The following WRN variants were observed in gnomAD, a reference collection of about 807,000 sequenced individuals.
WRN encodes bifunctional 3'-5' exonuclease/ATP-dependent helicase WRN.
Under a neutral mutation model 180.7 loss-of-function variants are expected in WRN, and 149 were observed. That is an observed-to-expected ratio of 0.82 (90% CI 0.72 to 0.94). WRN has a LOEUF of 0.94. Ranked by LOEUF, WRN falls within the 40% of genes least tolerant of loss-of-function variation. WRN has a pLI of 0.00. For synonymous variants in WRN, 548 were observed against 568.9 expected, an observed-to-expected ratio of 0.96 and a Z score of 0.52; for missense variants, 1,661 against 1,700.1, an observed-to-expected ratio of 0.98 and a Z score of 0.40.
At chr8:31,117,688 A>G (rs1203111970) in intron 20 of WRN, among the ~76,000 whole-genome samples, 2 of 152,078 alleles carry the variant, frequency 1.3e-5, no homozygotes, top group Non-Finnish European at 2.9e-5. Context: ...TTTCTTCTCT[A>G]TCCATCTCCT....
Position 31,116,505 on chromosome 8 carries a change from A to G in WRN, c.2425A>G (p.Arg809Gly), listed in dbSNP as rs2130306139. The change falls in exon 20 of 35, where the codon AGG (arginine) becomes GGG (glycine). Residue 809 changes from arginine (R) to glycine (G), a missense_variant. Coordinates refer to ENST00000298139, the MANE Select transcript of WRN (RefSeq NM_000553.6). Reference protein sequence around the residue: ...SFSTRKDIHHRFVRDEIQCVI... With the variant: ...SFSTRKDIHHGFVRDEIQCVI... ...TAGCACAAGGAAAGACATTCATCAT[A>G]GGTTTGTAAGAGATGAAATTCAGGT... 6.2e-7 allele frequency: 1 copy of G among 1,613,978 alleles called. No individual in the cohort carries two copies.
intron 23 of WRN, among the ~76,000 whole-genome samples, chr8:31,127,711 A>G (rs1035326240): frequency 2.6e-5 from 4 of 152,154 alleles, no homozygotes; most frequent in Non-Finnish European, 5.9e-5. Context: ...CAGGATTTTT[A>G]AGACCAGTCT....
At chr8:31,120,044 G>A (rs961357068) in intron 20 of WRN, 199 bp from the exon 21 acceptor site, 55 of 610,144 alleles carry the variant, frequency 9.0e-5, no homozygotes, top group Non-Finnish European at 1.5e-4. Context: ...AGAGTGAACA[G>A]AAATCCCATT....
intron 7 of WRN, among the ~76,000 whole-genome samples, chr8:31,071,030 C>T (rs1234669915): frequency 2.3e-5 from 3 of 130,028 alleles, no homozygotes; most frequent in East Asian, 4.3e-4. Context: ...TGCACAAGAG[C>T]GAGACTCTGT....
intron 1 of WRN, among the ~76,000 whole-genome samples, chr8:31,057,796 A>G (rs899953514): frequency 6.6e-5 from 10 of 151,150 alleles, no homozygotes; most frequent in South Asian, 2.1e-4. Flanking sequence ...TATTCACTGT[A>G]TTTTCTTTAA....
chr8:31,037,878 G>A (rs967985364), intron 1 of WRN, among the ~76,000 whole-genome samples: 17 of 152,116 alleles, frequency 1.1e-4, no homozygotes, highest in Non-Finnish European at 5.9e-5. Flanking sequence ...CTTTTGTGAG[G>A]ATAATGTTTT....
At chr8:31,139,035 G>T (rs1397454373) in intron 24 of WRN, among the ~76,000 whole-genome samples, 2 of 152,012 alleles carry the variant, frequency 1.3e-5, no homozygotes, top group African/African-American at 4.8e-5. Context: ...CATATACTGG[G>T]GAAGATTCTC....
At chr8:31,115,821 T>C (rs1473051942) in intron 19 of WRN, among the ~76,000 whole-genome samples, 2 of 152,246 alleles carry the variant, frequency 1.3e-5, no homozygotes, top group Admixed American at 6.5e-5. Flanking sequence ...AGATGTTTTC[T>C]ATAACATTCA....
At chr8:31,115,857 C>G (rs146640287) in intron 19 of WRN, among the ~76,000 whole-genome samples, 3 of 144,774 alleles carry the variant, frequency 2.1e-5, no homozygotes, top group Non-Finnish European at 4.7e-5. Context: ...GTAAATACTT[C>G]TTTGAACTGT....
At chr8:31,136,883 G>A (rs1020890465) in intron 24 of WRN, among the ~76,000 whole-genome samples, 5 of 151,262 alleles carry the variant, frequency 3.3e-5, no homozygotes, top group East Asian at 1.9e-4. Context: ...GCCCAAATCC[G>A]TAAGCTATGT....
At chr8:31,041,092 C>G (rs1357612557) in intron 1 of WRN, among the ~76,000 whole-genome samples, 2 of 152,126 alleles carry the variant, frequency 1.3e-5, no homozygotes, top group African/African-American at 4.8e-5. Context: ...AATGGGAGAT[C>G]TTTATATCTC....
chr8:31,169,052 G>A, intron 34 of WRN, among the ~76,000 whole-genome samples: 1 of 151,920 alleles, frequency 6.6e-6, no homozygotes, highest in Non-Finnish European at 1.5e-5. Context: ...TTTCTATAAA[G>A]TTTTCTTAAA....
intron 1 of WRN, among the ~76,000 whole-genome samples, chr8:31,056,183 GAAGTCTACAGGTGTTTTTATA>G (rs1319422655): frequency 6.6e-6 from 1 of 152,168 alleles, no homozygotes; most frequent in Admixed American, 6.5e-5. Context: ...CAAAATTTTA[GAAGTCTACAGGTGTTTTTATA>G]AAGTTTGTGT....
At chr8:31,118,984 A>G (rs966237978) in intron 20 of WRN, among the ~76,000 whole-genome samples, 5 of 152,030 alleles carry the variant, frequency 3.3e-5, no homozygotes, top group African/African-American at 1.2e-4. Context: ...TCACCTAAAA[A>G]TAATACCATA....
At chr8:31,150,314 T>C (rs564520393) in intron 30 of WRN, 27 bp from the exon 31 acceptor site, 5 of 1,565,998 alleles carry the variant, frequency 3.2e-6, no homozygotes, top group Admixed American at 1.7e-5. Context: ...ACCTTTTTGT[T>C]GTTGTTGTTG....
intron 24 of WRN, among the ~76,000 whole-genome samples, chr8:31,135,744 A>C (rs1311624057): frequency 6.6e-6 from 1 of 152,238 alleles, no homozygotes; most frequent in Non-Finnish European, 1.5e-5. Context: ...TTCACAGTAC[A>C]AAAAGCAACT....
chr8:31,055,338 GT>G (rs1418502741), intron 1 of WRN, among the ~76,000 whole-genome samples: 1 of 152,146 alleles, frequency 6.6e-6, no homozygotes, highest in Non-Finnish European at 1.5e-5. Context: ...TTCCACAATG[GT>G]TGAACTAGTT....
chr8:31,066,030 C>T lies in WRN; in HGVS notation c.504+967C>T, dbSNP rs542108112. 2.3e-3 allele frequency among the ~76,000 whole-genome samples: 347 copies of T among 151,796 alleles called. 3 individuals are homozygous for T. Among genetic ancestry groups the T allele is most frequent in the Non-Finnish European group, 2.2e-3 (150 of 67,928 alleles). On this transcript the variant is annotated intron_variant, in intron 5 of 34. Transcript: ENST00000298139. The stretch of plus-strand genomic sequence containing the variant: ...AGTAGCTGGGGTTACAGGCATGCAC[C>T]ACCATGCCTAGCTAATTTTGTATTT...
intron 1 of WRN, among the ~76,000 whole-genome samples, chr8:31,053,960 A>G (rs1468260493): frequency 1.3e-5 from 2 of 152,224 alleles, no homozygotes; most frequent in East Asian, 3.8e-4. Flanking sequence ...AGGAGAAGCT[A>G]TTAGACTTAA....
Sources: allele counts gnomAD v4.1 joint callset (sites outside exome capture counted in the v4.1 genomes callset), GRCh38; gene constraint gnomAD v4.1.1; transcripts MANE v1.5; gene names NCBI Gene and HGNC (gene_info 2026-07-23, HGNC 2026-07-21).